Variants in RBMS3 observed in about 807,000 individuals in gnomAD.
RBMS3 encodes RNA-binding motif, single-stranded-interacting protein 3.
In RBMS3, 27 loss-of-function variants were observed where a neutral mutation model predicts 66.8. The observed-to-expected ratio is 0.40, with a 90% CI of 0.30 to 0.56. The LOEUF is 0.56. Among genes scored for constraint, RBMS3 ranks in the 20% least tolerant of loss-of-function variants. RBMS3 has a pLI of 0.40. For missense variants in RBMS3, 513 were observed against 549.5 expected, an observed-to-expected ratio of 0.93 and a Z score of 0.66; for synonymous variants, 188 against 183.0, an observed-to-expected ratio of 1.03 and a Z score of -0.22.
chr3:29,756,874 G>A (rs1201180829), intron 5 of RBMS3, among the ~76,000 whole-genome samples: 1 of 152,130 alleles, frequency 6.6e-6, no homozygotes, highest in Non-Finnish European at 1.5e-5. Context: ...TGTAGCTTCT[G>A]TAGCCTCTCT....
chr3:29,848,118 T>C (rs926223780), intron 6 of RBMS3, among the ~76,000 whole-genome samples: 1 of 152,196 alleles, frequency 6.6e-6, no homozygotes, highest in African/African-American at 2.4e-5. Flanking sequence ...GTTGTATTGT[T>C]TCTCAGTTTC....
At position 29,697,054 on chromosome 3, in the gene RBMS3, T is replaced by C. The variant is rs2052313395; in HGVS notation, c.400-42666T>C. The C allele has an allele frequency of 3.0e-6, 3 of 984,998 alleles. No individual in the cohort carries two copies. The African/African-American group carries it at 5.2e-5, about 17-fold the overall frequency. The allele number at this position is 984,998 out of a possible 1,614,324, so 61.0% of individuals were successfully genotyped here. A position where few individuals can be genotyped will look rare whatever the true frequency, so the allele number is the denominator to read the frequency against. ...TTATCCAGCCAGAGAAGTTCTTACA[T>C]AAAGAAATGCAGGGCCTGTGTGCTC... is the stretch of plus-strand genomic sequence containing the variant. On this transcript the variant is annotated intron_variant, in intron 4 of 14. Coordinates refer to ENST00000383767, the MANE Select transcript of RBMS3 (RefSeq NM_001003793.3).
At chr3:29,320,055 T>G (rs1217291702) in intron 1 of RBMS3, among the ~76,000 whole-genome samples, 2 of 152,014 alleles carry the variant, frequency 1.3e-5, no homozygotes, top group African/African-American at 4.8e-5. Context: ...GTCTCTGCCA[T>G]GTAAAAGGAG....
At chr3:29,352,441 C>T (rs538085151) in intron 1 of RBMS3, among the ~76,000 whole-genome samples, 2 of 151,792 alleles carry the variant, frequency 1.3e-5, no homozygotes, top group Non-Finnish European at 2.9e-5. Context: ...TAGATTTATA[C>T]CCAGTATTTT....
At chr3:29,751,922 G>T (rs950239493) in intron 5 of RBMS3, among the ~76,000 whole-genome samples, 2 of 152,146 alleles carry the variant, frequency 1.3e-5, no homozygotes, top group Admixed American at 1.3e-4. Flanking sequence ...GGTTGCCTAC[G>T]ACCCCTGGAG....
chr3:29,821,028 A>C (rs2058064475), intron 6 of RBMS3, among the ~76,000 whole-genome samples: 1 of 152,168 alleles, frequency 6.6e-6, no homozygotes, highest in Non-Finnish European at 1.5e-5. Context: ...GTCCTGTTTT[A>C]TGACTGGAAT....
At chr3:29,976,916 G>A (rs905316083) in intron 12 of RBMS3, among the ~76,000 whole-genome samples, 6 of 152,014 alleles carry the variant, frequency 3.9e-5, no homozygotes, top group African/African-American at 7.2e-5. Flanking sequence ...CTGACAAATC[G>A]TAACTCAGTT....
At chr3:29,768,025 T>G (rs911661837) in intron 6 of RBMS3, among the ~76,000 whole-genome samples, 1 of 151,988 alleles carries the variant, frequency 6.6e-6, no homozygotes, top group Admixed American at 6.6e-5. Flanking sequence ...TCTCCAAATG[T>G]TTTATCTTTG....
intron 3 of RBMS3, among the ~76,000 whole-genome samples, chr3:29,516,025 T>C (rs1260601381): frequency 2.0e-5 from 3 of 152,122 alleles, no homozygotes; most frequent in Non-Finnish European, 4.4e-5. Flanking sequence ...GAAGAGGACA[T>C]GGACCAGGGA....
chr3:29,618,571 A>C (rs2048751838), intron 4 of RBMS3, among the ~76,000 whole-genome samples: 1 of 152,040 alleles, frequency 6.6e-6, no homozygotes, highest in Admixed American at 6.6e-5. Context: ...TCATTTCTCA[A>C]TCAGTGTGGT....
intron 4 of RBMS3, among the ~76,000 whole-genome samples, chr3:29,638,277 G>A (rs547011783): frequency 1.3e-5 from 2 of 151,400 alleles, no homozygotes; most frequent in South Asian, 4.2e-4. Context: ...AACATGCTAG[G>A]ACAGGTTCAC....
chr3:29,836,620 G>C (rs905086091), intron 6 of RBMS3, among the ~76,000 whole-genome samples: 1 of 151,916 alleles, frequency 6.6e-6, no homozygotes, highest in African/African-American at 2.4e-5. Flanking sequence ...ATAAGTTCTG[G>C]AGACTTTATG....
chr3:29,983,608 C>T (rs185918674), intron 12 of RBMS3, among the ~76,000 whole-genome samples: 36 of 151,984 alleles, frequency 2.4e-4, no homozygotes, highest in African/African-American at 6.5e-4. Context: ...AAGGCAGGCT[C>T]GGTGGTGATG....
rs537045905 is a variant in RBMS3, at chr3:29,731,539, C to T, written c.400-8181C>T. On this transcript the variant is annotated intron_variant, in intron 4 of 14. Coordinates refer to ENST00000383767, the MANE Select transcript of RBMS3 (RefSeq NM_001003793.3). ...TTAGGTACCATTTAAGGGTGAAAGC[C>T]TACTTCTTTGCAGTCCTTCTTTACT... is the stretch of plus-strand genomic sequence containing the variant. 7.2e-5 allele frequency among the ~76,000 whole-genome samples: 11 copies of T among 152,242 alleles called. No homozygotes were observed. The South Asian group carries it at 1.9e-3, about 26-fold the overall frequency.
intron 1 of RBMS3, among the ~76,000 whole-genome samples, chr3:29,295,270 A>T (rs1424506267): frequency 2.2e-5 from 2 of 92,924 alleles, no homozygotes; most frequent in Admixed American, 1.3e-4. Context: ...CAATTGCAGA[A>T]AATTATATAT....
intron 1 of RBMS3, among the ~76,000 whole-genome samples, chr3:29,318,208 G>A (rs1418689822): frequency 6.6e-6 from 1 of 151,784 alleles, no homozygotes; most frequent in East Asian, 1.9e-4. Context: ...TCAAAGAAAA[G>A]CTTGTATTTT....
chr3:29,459,343 G>A (rs9811898), intron 2 of RBMS3, among the ~76,000 whole-genome samples: 5,953 of 152,276 alleles, frequency 0.039, 256 homozygotes, highest in East Asian at 0.25. Flanking sequence ...ATCATGTAGA[G>A]CTTGACTAGC....
chr3:29,799,711 C>T (rs1465825580), intron 6 of RBMS3, among the ~76,000 whole-genome samples: 1 of 152,140 alleles, frequency 6.6e-6, no homozygotes, highest in Admixed American at 6.6e-5. Context: ...AAACAAGCTA[C>T]AGTCATTTAC....
At chr3:29,299,050 A>G (rs529289234) in intron 1 of RBMS3, among the ~76,000 whole-genome samples, 1 of 151,992 alleles carries the variant, frequency 6.6e-6, no homozygotes, top group South Asian at 2.1e-4. Flanking sequence ...GTCATGCGAC[A>G]TTGACTTAAA....
Sources: gnomAD v4.1 joint callset for allele counts (sites outside exome capture counted in the v4.1 genomes callset) on GRCh38, gnomAD v4.1.1 for gene constraint, MANE v1.5 for transcripts, NCBI Gene and HGNC (gene_info 2026-07-23, HGNC 2026-07-21) for gene names.